ADAMTSL3: variants seen among roughly 807,000 people sequenced by gnomAD.
ADAMTSL3 encodes the protein ADAMTS-like protein 3.
ADAMTSL3 carries 128 observed loss-of-function variants against 201.7 expected under a neutral mutation model. That is an observed-to-expected ratio of 0.63 (90% CI 0.55 to 0.73). ADAMTSL3 has a LOEUF of 0.73. Ranked by LOEUF, ADAMTSL3 falls within the 30% of genes least tolerant of loss-of-function variation. The pLI, the probability that ADAMTSL3 is intolerant of heterozygous loss-of-function variation, is 0.00. For synonymous variants in ADAMTSL3, 738 were observed against 748.4 expected (o/e 0.99, Z 0.23); for missense variants, 1,990 against 2,119.6 (o/e 0.94, Z 1.20).
At chr15:83,835,830 A>G (rs1328006678) in intron 6 of ADAMTSL3, among the ~76,000 whole-genome samples, 1 of 152,206 alleles carries the variant, frequency 6.6e-6, no homozygotes, top group Admixed American at 6.5e-5. Context: ...GTTGTTGTCT[A>G]TCTGCTGATA....
intron 15 of ADAMTSL3, 85 bp from the exon 16 acceptor site, chr15:83,913,007 T>C: frequency 6.9e-7 from 1 of 1,445,626 alleles, no homozygotes; most frequent in Non-Finnish European, 9.4e-7. Context: ...ATTTTTGCCT[T>C]CGTTGAATGT....
chr15:83,931,539 TCTA>T (rs1399171306), intron 17 of ADAMTSL3, among the ~76,000 whole-genome samples: 2 of 152,228 alleles, frequency 1.3e-5, no homozygotes, highest in Non-Finnish European at 2.9e-5. Context: ...GACCCATGTA[TCTA>T]CTTTCGGTGA....
At chr15:83,904,987 C>T (rs1250538238) in intron 15 of ADAMTSL3, among the ~76,000 whole-genome samples, 1 of 152,218 alleles carries the variant, frequency 6.6e-6, no homozygotes, top group Non-Finnish European at 1.5e-5. Flanking sequence ...AGACCTTGTT[C>T]TGAGTGTTCT....
At chr15:83,840,166 C>T (rs944307652) in intron 7 of ADAMTSL3, among the ~76,000 whole-genome samples, 8 of 151,830 alleles carry the variant, frequency 5.3e-5, no homozygotes, top group Non-Finnish European at 7.4e-5. Context: ...GGAATCCAAC[C>T]GAGAAGGAAT....
Position 84,015,985 on chromosome 15 carries a change from C to T in ADAMTSL3, c.4157-398C>T, listed in dbSNP as rs1360919511. ...AAGCTTCACAACCTTCCTAAAAGCCCGTACTCCTCACCATGCAAACCTAGG... is the reference window on the plus strand; with the variant it reads ...AAGCTTCACAACCTTCCTAAAAGCCTGTACTCCTCACCATGCAAACCTAGG... On this transcript the variant is annotated intron_variant, in intron 24 of 29. Coordinates refer to ENST00000286744, the MANE Select transcript of ADAMTSL3 (RefSeq NM_207517.3). 4.6e-5 allele frequency among the ~76,000 whole-genome samples: 7 copies of T among 152,320 alleles called. No homozygotes were observed. In the East Asian group the frequency reaches 5.8e-4, roughly 13 times the overall value.
chr15:84,037,532 G>C (rs1057197539), intron 29 of ADAMTSL3, among the ~76,000 whole-genome samples, 168 bp from the exon 30 acceptor site: 1 of 152,194 alleles, frequency 6.6e-6, no homozygotes, highest in Non-Finnish European at 1.5e-5. Flanking sequence ...TGAGCTGAAA[G>C]GGAATCCAAT....
chr15:83,944,203 A>G (rs889367100), intron 19 of ADAMTSL3, among the ~76,000 whole-genome samples: 4 of 152,174 alleles, frequency 2.6e-5, no homozygotes, highest in South Asian at 2.1e-4. Context: ...GGACTATTGT[A>G]TATGTTCCCC....
chr15:83,976,731 C>G (rs911312662), intron 20 of ADAMTSL3, among the ~76,000 whole-genome samples: 1 of 152,038 alleles, frequency 6.6e-6, no homozygotes, highest in African/African-American at 2.4e-5. Flanking sequence ...AGGCGGAGTT[C>G]AGGCAGTAAT....
chr15:83,811,163 T>G (rs1287954438), intron 5 of ADAMTSL3, among the ~76,000 whole-genome samples: 1 of 152,206 alleles, frequency 6.6e-6, no homozygotes, highest in Non-Finnish European at 1.5e-5. Flanking sequence ...CAAAGATCCT[T>G]TTGCCATGTA....
chr15:83,802,867 G>T (rs1158478524), intron 4 of ADAMTSL3, among the ~76,000 whole-genome samples: 1 of 152,152 alleles, frequency 6.6e-6, no homozygotes. Flanking sequence ...TAGGGAAAAG[G>T]AGAAGCAACA....
intron 7 of ADAMTSL3, among the ~76,000 whole-genome samples, chr15:83,845,945 A>G (rs748626762): frequency 9.2e-5 from 14 of 152,204 alleles, no homozygotes; most frequent in Non-Finnish European, 1.9e-4. Flanking sequence ...CACCTGGCCC[A>G]GTACCTGGCA....
chr15:83,673,163 G>A (rs2061349968), intron 2 of ADAMTSL3, among the ~76,000 whole-genome samples: 1 of 152,254 alleles, frequency 6.6e-6, no homozygotes, highest in Admixed American at 6.5e-5. Flanking sequence ...GTTCACCTAG[G>A]TGGTGCCTTC....
At chr15:83,703,789 C>G (rs1795692795) in intron 2 of ADAMTSL3, among the ~76,000 whole-genome samples, 1 of 152,110 alleles carries the variant, frequency 6.6e-6, no homozygotes, top group Admixed American at 6.5e-5. Flanking sequence ...CTACAATATG[C>G]ATGTTTATTT....
intron 6 of ADAMTSL3, among the ~76,000 whole-genome samples, chr15:83,822,555 CG>C (rs1319789634): frequency 8.5e-4 from 118 of 139,614 alleles, no homozygotes; most frequent in Admixed American, 2.0e-3. Context: ...ACATCCCAGA[CG>C]GGGCGGCGGG....
intron 2 of ADAMTSL3, among the ~76,000 whole-genome samples, chr15:83,659,273 G>A (rs567367195): frequency 8.7e-4 from 132 of 152,298 alleles, no homozygotes; most frequent in Non-Finnish European, 1.3e-3. Flanking sequence ...AGTCCTGGGA[G>A]GTCTTATAAG....
chr15:83,723,338 T>C (rs1448803701), intron 3 of ADAMTSL3, among the ~76,000 whole-genome samples: 1 of 152,190 alleles, frequency 6.6e-6, no homozygotes, highest in Non-Finnish European at 1.5e-5. Flanking sequence ...CAAGTTTATA[T>C]TGTGCTGTTG....
chr15:83,969,910 A>C (rs952490657), intron 19 of ADAMTSL3, among the ~76,000 whole-genome samples: 2 of 152,234 alleles, frequency 1.3e-5, no homozygotes, highest in Non-Finnish European at 2.9e-5. Flanking sequence ...TAAACAAAAC[A>C]AAACAAACAG....
intron 23 of ADAMTSL3, among the ~76,000 whole-genome samples, chr15:83,996,129 A>G (rs928072757): frequency 6.6e-6 from 1 of 152,228 alleles, no homozygotes; most frequent in African/African-American, 2.4e-5. Context: ...ATTTTTAAAA[A>G]TCATAAAATA....
chr15:83,861,961 C>T (rs1040283265), intron 8 of ADAMTSL3: 5 of 152,130 alleles, frequency 3.3e-5, no homozygotes, highest in Non-Finnish European at 5.9e-5. Context: ...GGCACGAGAA[C>T]GTGACGAATG....
Sources: allele counts gnomAD v4.1 joint callset (sites outside exome capture counted in the v4.1 genomes callset), GRCh38; gene constraint gnomAD v4.1.1; transcripts MANE v1.5; gene names NCBI Gene and HGNC (gene_info 2026-07-23, HGNC 2026-07-21).